The following STARD13 variants were observed in gnomAD, a reference collection of about 807,000 sequenced individuals.
The protein encoded by STARD13 is StAR related lipid transfer domain containing 13, also known as stAR-related lipid transfer protein 13.
STARD13 carries 62 observed loss-of-function variants against 106.4 expected under a neutral mutation model. That is an observed-to-expected ratio of 0.58 (90% CI 0.48 to 0.72). The LOEUF is 0.72. STARD13 is among the 30% of genes least tolerant of loss of function. The pLI is 0.00. For synonymous variants in STARD13, 565 were observed against 553.0 expected, an observed-to-expected ratio of 1.02 and a Z score of -0.31; for missense variants, 1,387 against 1,424.0, an observed-to-expected ratio of 0.97 and a Z score of 0.42.
Position 33,129,626 on chromosome 13 carries a change from G to C in STARD13, c.1051C>G (p.Arg351Gly). 6.2e-7 allele frequency: 1 copy of C among 1,613,938 alleles called. No individual in the cohort carries two copies. The highest frequency in any genetic ancestry group is 8.5e-7 in the Non-Finnish European group (1 of 1,180,020). Residue 351 changes from arginine (R) to glycine (G), a missense_variant, in exon 5 of 14, where the codon CGC becomes GGC. Coordinates refer to ENST00000336934, the MANE Select transcript of STARD13 (RefSeq NM_178006.4). ...SGVSTPCLKE[R>G]KCHEANKRGG... ...CGCTTGTTGGCCTCGTGGCACTTGC[G>C]TTCCTTCAGGCAGGGCGTGCTCACC...
At chr13:33,372,881 T>C in the STARD13 span, among the ~76,000 whole-genome samples, 1 of 152,066 alleles carries the variant, frequency 6.6e-6, no homozygotes, top group Non-Finnish European at 1.5e-5. Flanking sequence ...ACCCCACAAA[T>C]GTCCACTAGC....
chr13:33,105,686 G>A lies in STARD13; in HGVS notation c.3249C>T (p.Ser1083=), dbSNP rs1356517912. 1 of 1,614,178 alleles carries A rather than the reference G, an allele frequency of 6.2e-7. No homozygotes were observed. The highest frequency in any genetic ancestry group is 8.5e-7 in the Non-Finnish European group (1 of 1,179,994). The change falls in exon 14 of 14, where the codon AGC becomes AGT. Residue 1083 remains serine (S), a synonymous_variant. Transcript: ENST00000336934. ...CTGCACACAGATGTCCAAAGCCTTTGCTGTACCATTCTGGGGAGTGACCTC... is the reference window on the plus strand; with the variant it reads ...CTGCACACAGATGTCCAAAGCCTTTACTGTACCATTCTGGGGAGTGACCTC... ...DLKGHSPEWY[S]KGFGHLCAAE...
chr13:33,552,750 A>G, the STARD13 span, among the ~76,000 whole-genome samples: 1 of 152,220 alleles, frequency 6.6e-6, no homozygotes, highest in Non-Finnish European at 1.5e-5. Context: ...GATAAATAAT[A>G]GACAAACTAT....
the STARD13 span, among the ~76,000 whole-genome samples, chr13:33,670,072 G>A: frequency 1.1e-4 from 17 of 152,122 alleles, no homozygotes; most frequent in African/African-American, 4.1e-4. Flanking sequence ...TTCTGGATTG[G>A]CTGATCATTT....
the STARD13 span, chr13:33,524,248 G>GGTTGAGTTCCA: frequency 2.4e-6 from 3 of 1,275,466 alleles, no homozygotes; most frequent in Non-Finnish European, 3.1e-6. Flanking sequence ...TTTAGTTTTT[G>GGTTGAGTTCCA]GTTGAGTTCC....
chr13:33,292,578 G>T (rs1481458093), intron 1 of STARD13, among the ~76,000 whole-genome samples: 5 of 149,170 alleles, frequency 3.4e-5, no homozygotes, highest in Non-Finnish European at 7.4e-5. Flanking sequence ...TCTAGCCTGG[G>T]CAACAGAGCA....
chr13:33,569,173 T>C, the STARD13 span, among the ~76,000 whole-genome samples: 1 of 148,150 alleles, frequency 6.7e-6, no homozygotes, highest in Non-Finnish European at 1.5e-5. Flanking sequence ...AGCTATCAAA[T>C]AATCTTGTAT....
the STARD13 span, among the ~76,000 whole-genome samples, chr13:33,536,174 T>C: frequency 6.6e-5 from 10 of 152,270 alleles, no homozygotes; most frequent in South Asian, 2.1e-3. Context: ...AATAAAATGG[T>C]AAAATGGTGA....
chr13:33,544,721 A>G, the STARD13 span, among the ~76,000 whole-genome samples: 2 of 150,940 alleles, frequency 1.3e-5, no homozygotes, highest in Admixed American at 6.6e-5. Context: ...CTGATGAATC[A>G]TTTAAATCAG....
chr13:33,203,076 A>T (rs575942647), intron 1 of STARD13, among the ~76,000 whole-genome samples: 36 of 152,358 alleles, frequency 2.4e-4, no homozygotes, highest in Middle Eastern at 3.4e-3. Context: ...TGGGCCTCCC[A>T]ACCACCTCGT....
At chr13:33,132,007 G>A (rs953246496) in intron 4 of STARD13, among the ~76,000 whole-genome samples, 1 of 152,174 alleles carries the variant, frequency 6.6e-6, no homozygotes, top group African/African-American at 2.4e-5. Context: ...CTTTAACCTT[G>A]CAGTGTGTTG....
At chr13:33,159,328 T>C (rs1350123154) in intron 3 of STARD13, among the ~76,000 whole-genome samples, 1 of 152,242 alleles carries the variant, frequency 6.6e-6, no homozygotes, top group Non-Finnish European at 1.5e-5. Context: ...CCCTATGATA[T>C]GTCTGGAAGA....
At chr13:33,359,250 C>A in the STARD13 span, among the ~76,000 whole-genome samples, 1 of 152,182 alleles carries the variant, frequency 6.6e-6, no homozygotes, top group Non-Finnish European at 1.5e-5. Flanking sequence ...TCTGCAGCTT[C>A]ACTCCTGAGC....
intron 10 of STARD13, 135 bp downstream of exon 10, chr13:33,111,643 C>T (rs1874583674): frequency 1.7e-6 from 1 of 602,972 alleles, no homozygotes; most frequent in Non-Finnish European, 2.9e-6. Flanking sequence ...GAAGCAAACA[C>T]CAGAGCTATA....
chr13:33,165,457 T>C, intron 2 of STARD13, 39 bp from the exon 3 acceptor site: 3 of 1,492,248 alleles, frequency 2.0e-6, no homozygotes, highest in Non-Finnish European at 2.8e-6. Context: ...TACTTTGTTT[T>C]ATCTGAATGA....
the STARD13 span, among the ~76,000 whole-genome samples, chr13:33,443,462 A>ACC: frequency 6.8e-6 from 1 of 147,856 alleles, no homozygotes; most frequent in African/African-American, 2.6e-5. Context: ...CCCCCCCCAA[A>ACC]AAAAAAACAC....
chr13:33,637,854 G>C, the STARD13 span, among the ~76,000 whole-genome samples: 3 of 152,140 alleles, frequency 2.0e-5, no homozygotes, highest in African/African-American at 7.2e-5. Context: ...AAATTGACTT[G>C]AATTATATTG....
intron 1 of STARD13, among the ~76,000 whole-genome samples, chr13:33,239,416 T>C (rs1030776603): frequency 6.6e-6 from 1 of 152,174 alleles, no homozygotes; most frequent in Non-Finnish European, 1.5e-5. Context: ...CTGGATTATA[T>C]GACAATTCTA....
chr13:33,206,147 G>A (rs1046971483), intron 1 of STARD13: 2 of 336,812 alleles, frequency 5.9e-6, no homozygotes, highest in African/African-American at 2.2e-5. Flanking sequence ...TGGCTCTGCC[G>A]CTCTGGCACA....
Sources: allele counts gnomAD v4.1 joint callset (sites outside exome capture counted in the v4.1 genomes callset), GRCh38; gene constraint gnomAD v4.1.1; transcripts MANE v1.5; gene names NCBI Gene and HGNC (gene_info 2026-07-23, HGNC 2026-07-21).